Variants in CDIP1 observed in about 807,000 individuals in gnomAD.
CDIP1 encodes the protein cell death-inducing p53-target protein 1.
Under a neutral mutation model 17.7 loss-of-function variants are expected in CDIP1, and 9 were observed. That is an observed-to-expected ratio of 0.51 (90% CI 0.31 to 0.89). The LOEUF (loss-of-function observed/expected upper bound fraction) is 0.89. Ranked by LOEUF, CDIP1 falls within the 40% of genes least tolerant of loss-of-function variation. CDIP1 has a pLI of 0.05. For missense variants in CDIP1, 263 were observed against 277.9 expected (o/e 0.95, Z 0.38); for synonymous variants, 117 against 109.5 (o/e 1.07, Z -0.43).
Position 4,512,506 on chromosome 16 carries a change from T to G in CDIP1, c.*66A>C, listed in dbSNP as rs764456506. 3 of 1,187,340 alleles carry G rather than the reference T, an allele frequency of 2.5e-6. No homozygotes were observed. The highest frequency in any genetic ancestry group is 3.8e-6 in the Non-Finnish European group (3 of 794,674). 73.6% of individuals were successfully genotyped at this position (1,187,340 alleles called of 1,614,324 possible). A position where few individuals can be genotyped will look rare whatever the true frequency, so the allele number is the denominator to read the frequency against. On this transcript the variant is annotated 3_prime_UTR_variant, in exon 6 of 6. Coordinates refer to ENST00000567695, the MANE Select transcript of CDIP1 (RefSeq NM_013399.3). The surrounding 1 kb of genome is among the most constrained non-coding windows in gnomAD (Gnocchi z 4.6). ...CAAGTGGGAGCGGGAAAGTGACCAC[T>G]GAGCACAGGGAGCAAAGCACAGGGG...
intron 1 of CDIP1, among the ~76,000 whole-genome samples, chr16:4,530,097 C>T (rs186040200): frequency 3.3e-5 from 5 of 152,304 alleles, no homozygotes; most frequent in East Asian, 1.9e-4. Context: ...CTCATCCCTG[C>T]GACATTTAGA....
In CDIP1 at chr16:4,514,457, TG is replaced by T. The variant is rs2058868307; in HGVS notation, c.-15+117del. Reference sequence around the variant, plus strand: ...GCACTTGCCCCACACGAGAGCAGTTTGGCACCGAGCTCTCCCCTCCCCAAAC... The same window carrying T: ...GCACTTGCCCCACACGAGAGCAGTTTGCACCGAGCTCTCCCCTCCCCAAAC... On this transcript the variant is annotated intron_variant, in intron 2 of 5. Transcript: ENST00000567695. The surrounding 1 kb of genome is among the most constrained non-coding windows in gnomAD (Gnocchi z 5.2). The T allele has an allele frequency of 3.1e-6, 1 of 324,444 alleles. No homozygotes were observed. The highest frequency in any genetic ancestry group is 5.1e-5 in the Admixed American group (1 of 19,482). The allele number at this position is 324,444 out of a possible 1,614,324, so 20.1% of individuals were successfully genotyped here. A position where few individuals can be genotyped will look rare whatever the true frequency, so the allele number is the denominator to read the frequency against.
rs1240885214 is a variant in CDIP1 at position 4,526,645 on chromosome 16, A to G, written c.-104-11981T>C. Among the ~76,000 whole-genome samples, 5 of 152,056 alleles carry G rather than the reference A, an allele frequency of 3.3e-5. No individual in the cohort carries two copies. The East Asian group carries it at 9.6e-4, about 29-fold the overall frequency. Reference sequence around the variant, plus strand: ...AACCCGGGAGGCGGAGCTTGCAGTGAGCTGAGATCGCGCCACTACACTCCA... The same window carrying G: ...AACCCGGGAGGCGGAGCTTGCAGTGGGCTGAGATCGCGCCACTACACTCCA... On this transcript the variant is annotated intron_variant, in intron 1 of 5. Coordinates refer to ENST00000567695, the MANE Select transcript of CDIP1 (RefSeq NM_013399.3).
intron 1 of CDIP1, among the ~76,000 whole-genome samples, chr16:4,521,217 C>T (rs1217607037): frequency 1.3e-5 from 2 of 152,056 alleles, no homozygotes; most frequent in East Asian, 3.9e-4. Flanking sequence ...GCTCCTACAC[C>T]ATCAATGTGA....
At position 4,513,530 on chromosome 16, in the gene CDIP1, T is replaced by C. The variant is rs1303249906; in HGVS notation, c.241+166A>G. ...ATAAGAGCAGTCCCACCTTCCCACG[T>C]CCACAGTCCCTGTCCACACACAGCC... On this transcript the variant is annotated intron_variant, in intron 4 of 5. Transcript: ENST00000567695. This position sits in a 1 kb window ranked among gnomAD's most constrained non-coding sequence, Gnocchi z 4.1. Among the ~76,000 whole-genome samples, 1 of 152,070 alleles carries C rather than the reference T, an allele frequency of 6.6e-6. No homozygotes were observed. The highest frequency in any genetic ancestry group is 1.5e-5 in the Non-Finnish European group (1 of 68,010).
At chr16:4,530,649 A>AG (rs772896031) in intron 1 of CDIP1, among the ~76,000 whole-genome samples, 2 of 3,430 alleles carry the variant, frequency 5.8e-4, no homozygotes, top group Non-Finnish European at 8.8e-3. Flanking sequence ...ACTCCATCTC[A>AG]AAAAAAAAAA....
chr16:4,516,726 G>A (rs1387716653), intron 1 of CDIP1, among the ~76,000 whole-genome samples: 8 of 75,244 alleles, frequency 1.1e-4, no homozygotes, highest in Admixed American at 3.8e-4. Flanking sequence ...TTTTTTTTGT[G>A]AGACAGAGTC....
intron 1 of CDIP1, among the ~76,000 whole-genome samples, chr16:4,533,941 C>T (rs188840974): frequency 6.6e-6 from 1 of 152,110 alleles, no homozygotes; most frequent in Admixed American, 6.6e-5. Context: ...CCTAAGTGGA[C>T]CTCCTGTGCC....
At chr16:4,528,329 TCTG>T (rs2059021309) in intron 1 of CDIP1, among the ~76,000 whole-genome samples, 1 of 152,230 alleles carries the variant, frequency 6.6e-6, no homozygotes, top group Non-Finnish European at 1.5e-5. Context: ...TCCTCCAGCC[TCTG>T]CCTCGCTAAG....
Position 4,514,481 on chromosome 16 carries a change from A to C in CDIP1, c.-15+94T>G. The C allele has an allele frequency of 3.7e-6, 1 of 273,268 alleles. No homozygotes were observed. Among genetic ancestry groups the C allele is most frequent in the Non-Finnish European group, 6.8e-6 (1 of 146,462 alleles). The allele number at this position is 273,268 out of a possible 1,614,324, so 16.9% of individuals were successfully genotyped here. ...TTGGCACCGAGCTCTCCCCTCCCCAAACGTTTAGCGGGCACTAAGGCAGTC... is the reference window on the plus strand; with the variant it reads ...TTGGCACCGAGCTCTCCCCTCCCCACACGTTTAGCGGGCACTAAGGCAGTC... On this transcript the variant is annotated intron_variant, in intron 2 of 5. Coordinates refer to ENST00000567695, the MANE Select transcript of CDIP1 (RefSeq NM_013399.3). This position sits in a 1 kb window ranked among gnomAD's most constrained non-coding sequence, Gnocchi z 5.2.
intron 1 of CDIP1, among the ~76,000 whole-genome samples, chr16:4,524,776 A>G (rs2058982950): frequency 6.6e-6 from 1 of 152,170 alleles, no homozygotes; most frequent in African/African-American, 2.4e-5. Flanking sequence ...TTGGTAAATT[A>G]TTTTCAGGTT....
At chr16:4,538,151 G>A (rs1276934590) in intron 1 of CDIP1, among the ~76,000 whole-genome samples, 1 of 152,172 alleles carries the variant, frequency 6.6e-6, no homozygotes, top group African/African-American at 2.4e-5. Context: ...AAAACGTGCG[G>A]GCGAGCAGGC....
rs1434270017 is a variant in CDIP1 at position 4,513,466 on chromosome 16, C to A, written c.241+230G>T. Among the ~76,000 whole-genome samples, 1 of 152,124 alleles carries A rather than the reference C, an allele frequency of 6.6e-6. No homozygotes were observed. Among genetic ancestry groups the A allele is most frequent in the Non-Finnish European group, 1.5e-5 (1 of 68,006 alleles). ...GCGCCCCTCCCCACCCATGTCAGGT[C>A]CTGGTGTGCCAAGGACCAGCCCTTC... On this transcript the variant is annotated intron_variant, in intron 4 of 5. Coordinates refer to ENST00000567695, the MANE Select transcript of CDIP1 (RefSeq NM_013399.3). This position sits in a 1 kb window ranked among gnomAD's most constrained non-coding sequence, Gnocchi z 4.1.
chr16:4,525,167 A>T (rs1319313156), intron 1 of CDIP1, among the ~76,000 whole-genome samples: 2 of 152,120 alleles, frequency 1.3e-5, no homozygotes, highest in Non-Finnish European at 2.9e-5. Flanking sequence ...TCTTCAAGTG[A>T]TCCATGATCA....
chr16:4,521,542 G>A (rs1034432069), intron 1 of CDIP1, among the ~76,000 whole-genome samples: 2 of 152,028 alleles, frequency 1.3e-5, no homozygotes, highest in African/African-American at 2.4e-5. Context: ...CCCGGTGGAA[G>A]GCTTTAAATG....
intron 1 of CDIP1, among the ~76,000 whole-genome samples, chr16:4,529,963 C>A (rs1207863837): frequency 6.6e-6 from 1 of 152,166 alleles, no homozygotes; most frequent in African/African-American, 2.4e-5. Flanking sequence ...TTCCGTGGGT[C>A]GGGGTGGGAT....
At chr16:4,533,768 C>G (rs997428113) in intron 1 of CDIP1, 1 of 152,088 alleles carries the variant, frequency 6.6e-6, no homozygotes, top group Non-Finnish European at 1.5e-5. Flanking sequence ...CCCCACTTCC[C>G]TGCAAACCTG....
chr16:4,512,760 C>T lies in CDIP1; in HGVS notation c.515+31G>A. The stretch of plus-strand genomic sequence containing the variant: ...AGGCAGCCAGTTGACCCTGGTGCAG[C>T]CCCCACCCTACCAGTGCCCACACCA... On this transcript the variant is annotated intron_variant, in intron 5 of 5. Coordinates refer to ENST00000567695, the MANE Select transcript of CDIP1 (RefSeq NM_013399.3). This position sits in a 1 kb window ranked among gnomAD's most constrained non-coding sequence, Gnocchi z 4.6. 6.3e-7 allele frequency: 1 copy of T among 1,598,232 alleles called. No homozygotes were observed. Among genetic ancestry groups the T allele is most frequent in the Non-Finnish European group, 8.5e-7 (1 of 1,171,652 alleles).
intron 1 of CDIP1, among the ~76,000 whole-genome samples, chr16:4,538,012 G>C (rs1233892678): frequency 6.6e-6 from 1 of 152,178 alleles, no homozygotes; most frequent in Non-Finnish European, 1.5e-5. Context: ...CGCGGGGCTC[G>C]GCAGGGGCTG....
Sources: allele counts gnomAD v4.1 joint callset (sites outside exome capture counted in the v4.1 genomes callset), GRCh38; gene constraint gnomAD v4.1.1; non-coding constraint Gnocchi (gnomAD v3.1); transcripts MANE v1.5; gene names NCBI Gene and HGNC (gene_info 2026-07-23, HGNC 2026-07-21).